Variants in CCDC110 observed in about 807,000 individuals in gnomAD.
The protein encoded by CCDC110 is coiled-coil domain containing 110.
A neutral mutation model predicts 77.1 loss-of-function variants in CCDC110; 70 were observed. That is an observed-to-expected ratio of 0.91 (90% CI 0.75 to 1.11). The LOEUF (loss-of-function observed/expected upper bound fraction) is 1.11, where lower values mean the gene tolerates loss of function less well. Ranked by LOEUF, CCDC110 falls within the 50% of genes least tolerant of loss-of-function variation. CCDC110 has a pLI of 0.00. For missense variants in CCDC110, 868 were observed against 942.9 expected (o/e 0.92, Z 1.04); for synonymous variants, 295 against 312.5 (o/e 0.94, Z 0.59).
intron 2 of CCDC110, among the ~76,000 whole-genome samples, chr4:185,464,707 T>C (rs1025575600): frequency 6.6e-6 from 1 of 152,208 alleles, no homozygotes; most frequent in Non-Finnish European, 1.5e-5. Flanking sequence ...GTCAGCTCTC[T>C]ATGCACATAA....
At chr4:185,456,108 T>C (rs1239808072) in intron 6 of CCDC110, among the ~76,000 whole-genome samples, 1 of 151,732 alleles carries the variant, frequency 6.6e-6, no homozygotes, top group Non-Finnish European at 1.5e-5. Flanking sequence ...AAGACAGACC[T>C]TATTCTGGGC....
At chr4:185,467,499 G>T (rs1319289745) in intron 2 of CCDC110, among the ~76,000 whole-genome samples, 2 of 151,984 alleles carry the variant, frequency 1.3e-5, no homozygotes, top group Admixed American at 1.3e-4. Context: ...TACAATATCG[G>T]GAGGCACATA....
chr4:185,466,628 G>T (rs775897694), intron 2 of CCDC110, among the ~76,000 whole-genome samples: 1 of 151,956 alleles, frequency 6.6e-6, no homozygotes, highest in Non-Finnish European at 1.5e-5. Context: ...GGAGTGCAGT[G>T]GCATGATCTT....
intron 6 of CCDC110, among the ~76,000 whole-genome samples, chr4:185,454,543 A>G (rs1447910534): frequency 6.6e-6 from 1 of 151,860 alleles, no homozygotes; most frequent in Non-Finnish European, 1.5e-5. Context: ...GTGAAACCTC[A>G]TCTCTACTAA....
In CCDC110 at chr4:185,470,904, G is replaced by A. The variant is rs771751011; in HGVS notation, c.115+41C>T. On this transcript the variant is annotated intron_variant, in intron 2 of 6. Coordinates refer to ENST00000307588, the MANE Select transcript of CCDC110 (RefSeq NM_152775.4). ...TGGCACAGGCCAGATGCTGCCGCCT[G>A]TGTATAGTTAAAGGAGCCTTTTACG... 9.3e-6 allele frequency: 13 copies of A among 1,397,672 alleles called. No homozygotes were observed. In the East Asian group the frequency reaches 2.7e-4, roughly 29 times the overall value. The allele number at this position is 1,397,672 out of a possible 1,614,324, so 86.6% of individuals were successfully genotyped here. A position where few individuals can be genotyped will look rare whatever the true frequency, so the allele number is the denominator to read the frequency against.
At position 185,459,877 on chromosome 4, in the gene CCDC110, T is replaced by C; in HGVS notation, c.710A>G (p.Asn237Ser). Residue 237 changes from asparagine (N) to serine (S), a missense_variant, in exon 6 of 7, where the codon AAT becomes AGT. Asn to Ser is a conservative substitution (Grantham distance 46). Coordinates refer to ENST00000307588, the MANE Select transcript of CCDC110 (RefSeq NM_152775.4). ...VPFLKHGFCE[N>S]LDDICHSIKQ... is the part of the protein sequence containing the mutation. ...GATAGAATGGCAAATGTCATCTAAA[T>C]TTTCACAAAATCCATGCTTGAGAAA... is the stretch of plus-strand genomic sequence containing the variant. The C allele has an allele frequency of 6.2e-7, 1 of 1,613,732 alleles. No individual in the cohort carries two copies. Among genetic ancestry groups the C allele is most frequent in the Non-Finnish European group, 8.5e-7 (1 of 1,179,856 alleles).
chr4:185,445,619 A>G (rs989611781), intron 6 of CCDC110, 77 bp from the exon 7 acceptor site: 22 of 946,864 alleles, frequency 2.3e-5, no homozygotes, highest in Non-Finnish European at 3.2e-5. Context: ...GTATATTATC[A>G]AGGTATCTTA....
intron 5 of CCDC110, 123 bp from the exon 6 acceptor site, chr4:185,460,361 G>A (rs2095643907): frequency 4.8e-6 from 3 of 630,994 alleles, no homozygotes; most frequent in African/African-American, 1.8e-5. Flanking sequence ...CATTTCTACA[G>A]CAAAGGAGCA....
chr4:185,459,476 A>T lies in CCDC110; in HGVS notation c.1111T>A (p.Leu371Ile). The change falls in exon 6 of 7, where the codon TTA becomes ATA. Residue 371 changes from leucine (L) to isoleucine (I), a missense_variant. Transcript: ENST00000307588. ...CTTGGAACTCTGGAATGGAATTTTA[A>T]ATCTGTAATATTTTTGCCAGTGATG... ...IPITGKNITD[L>I]KFHSRVPRYT... 1.2e-6 allele frequency: 2 copies of T among 1,613,626 alleles called. No individual in the cohort carries two copies. The highest frequency in any genetic ancestry group is 8.5e-7 in the Non-Finnish European group (1 of 1,179,754).
intron 6 of CCDC110, among the ~76,000 whole-genome samples, chr4:185,455,756 G>A (rs1026840680): frequency 7.2e-5 from 11 of 152,114 alleles, no homozygotes; most frequent in African/African-American, 2.2e-4. Flanking sequence ...GGTAGTAGGC[G>A]CCTGTAATCT....
At chr4:185,457,402 C>G in intron 6 of CCDC110, 1 of 435,634 alleles carries the variant, frequency 2.3e-6, no homozygotes. Flanking sequence ...TCCTGTAATG[C>G]AATCCACTGT....
In CCDC110 at chr4:185,453,438, A is replaced by C. The variant is rs542993781; in HGVS notation, c.2461+4688T>G. 6.6e-5 allele frequency among the ~76,000 whole-genome samples: 10 copies of C among 152,320 alleles called. No individual in the cohort carries two copies. The South Asian group carries it at 2.1e-3, about 32-fold the overall frequency. Reference sequence around the variant, plus strand: ...TGCATTCCATATTAATATGTTTTCAATTATGAATCACTTAATCTACATCTA... The same window carrying C: ...TGCATTCCATATTAATATGTTTTCACTTATGAATCACTTAATCTACATCTA... On this transcript the variant is annotated intron_variant, in intron 6 of 6. Coordinates refer to ENST00000307588, the MANE Select transcript of CCDC110 (RefSeq NM_152775.4).
intron 2 of CCDC110, chr4:185,470,660 A>G: frequency 1.9e-6 from 1 of 538,234 alleles, no homozygotes; most frequent in South Asian, 1.5e-5. Flanking sequence ...TGCCCGCTCC[A>G]TTCCTCGCTG....
chr4:185,455,269 C>T (rs541139954), intron 6 of CCDC110, among the ~76,000 whole-genome samples: 1 of 152,042 alleles, frequency 6.6e-6, no homozygotes, highest in African/African-American at 2.4e-5. Flanking sequence ...GGATATAGTG[C>T]TCACCATTAG....
At chr4:185,470,351 C>A (rs906649850) in intron 2 of CCDC110, among the ~76,000 whole-genome samples, 4 of 151,966 alleles carry the variant, frequency 2.6e-5, no homozygotes, top group African/African-American at 9.7e-5. Context: ...TACTTTAAAT[C>A]ATCTCTCGAT....
chr4:185,445,427 A>G lies in CCDC110; in HGVS notation c.*75T>C, dbSNP rs895078802. On this transcript the variant is annotated 3_prime_UTR_variant, in exon 7 of 7. Transcript: ENST00000307588. Reference sequence around the variant, plus strand: ...ATGAGTCATTTGAGATGAGTTAGATATGCATAGTTCAGTTAGCAGTACAAT... The same window carrying G: ...ATGAGTCATTTGAGATGAGTTAGATGTGCATAGTTCAGTTAGCAGTACAAT... 33 of 1,034,430 alleles carry G rather than the reference A, an allele frequency of 3.2e-5. No individual in the cohort carries two copies. Among genetic ancestry groups the G allele is most frequent in the Non-Finnish European group, 4.4e-5 (30 of 679,344 alleles). The allele number at this position is 1,034,430 out of a possible 1,614,324, so 64.1% of individuals were successfully genotyped here. A position where few individuals can be genotyped will look rare whatever the true frequency, so the allele number is the denominator to read the frequency against.
chr4:185,461,013 C>A (rs763531990), intron 5 of CCDC110, 36 bp downstream of exon 5: 1 of 828,396 alleles, frequency 1.2e-6, no homozygotes, highest in South Asian at 1.8e-5. Context: ...TTTTGAAGTA[C>A]CTACATATAG....
intron 2 of CCDC110, among the ~76,000 whole-genome samples, chr4:185,466,983 G>A (rs1179601044): frequency 6.6e-6 from 1 of 152,216 alleles, no homozygotes; most frequent in Admixed American, 6.5e-5. Flanking sequence ...TGTGAAGGGT[G>A]AGAATGAAGG....
At chr4:185,464,802 A>G (rs922518562) in intron 2 of CCDC110, among the ~76,000 whole-genome samples, 4 of 152,226 alleles carry the variant, frequency 2.6e-5, no homozygotes, top group Admixed American at 1.3e-4. Flanking sequence ...AGAATTTTTA[A>G]AACTGCAAGT....
Sources: gnomAD v4.1 joint callset for allele counts (sites outside exome capture counted in the v4.1 genomes callset) on GRCh38, gnomAD v4.1.1 for gene constraint, MANE v1.5 for transcripts, NCBI Gene and HGNC (gene_info 2026-07-23, HGNC 2026-07-21) for gene names.